CRYBG2: variants seen among roughly 807,000 people sequenced by gnomAD.
CRYBG2 encodes crystallin beta-gamma domain containing 2.
CRYBG2 carries 106 observed loss-of-function variants against 153.4 expected under a neutral mutation model. That is an observed-to-expected ratio of 0.69 (90% CI 0.59 to 0.81). The LOEUF is 0.81. Ranked by LOEUF, CRYBG2 falls within the 30% of genes least tolerant of loss-of-function variation. The probability of loss-of-function intolerance (pLI) is 0.00; values close to 1 mark genes in which losing one functional copy is unlikely to be tolerated. For synonymous variants in CRYBG2, 851 were observed against 877.8 expected (o/e 0.97, Z 0.54); for missense variants, 1,996 against 2,112.0 (o/e 0.95, Z 1.08).
chr1:26,338,310 A>T (rs969380973), intron 7 of CRYBG2, 41 bp downstream of exon 7: 2 of 1,544,314 alleles, frequency 1.3e-6, no homozygotes, highest in Non-Finnish European at 1.7e-6. Context: ...CCAGGGGCAG[A>T]GCCTAGACCT....
rs939084800 is a variant in CRYBG2, at chr1:26,325,285, C to T, written c.4579-975G>A. 1.3e-5 allele frequency among the ~76,000 whole-genome samples: 2 copies of T among 152,206 alleles called. No homozygotes were observed. Among genetic ancestry groups the T allele is most frequent in the South Asian group, 4.1e-4 (2 of 4,832 alleles). On this transcript the variant is annotated intron_variant, in intron 17 of 19. Transcript: ENST00000308182. This position sits in a 1 kb window ranked among gnomAD's most constrained non-coding sequence, Gnocchi z 4.1. ...TCATAAATGCAATCCCGGCCGGGCG[C>T]GGAGGCTCACGCCTGTAATCCCAGC...
chr1:26,352,481 G>A (rs2074297018), intron 1 of CRYBG2, among the ~76,000 whole-genome samples: 1 of 152,038 alleles, frequency 6.6e-6, no homozygotes, highest in Non-Finnish European at 1.5e-5. Flanking sequence ...CCCTGAACGT[G>A]GACACACACG....
In CRYBG2 at chr1:26,334,699, C is replaced by T. The variant is rs146393983; in HGVS notation, c.4184+1396G>A. Among the ~76,000 whole-genome samples the T allele has an allele frequency of 7.5e-4, 114 of 151,932 alleles. 1 individual carries two copies. In the East Asian group the frequency reaches 0.012, roughly 17 times the overall value. ...CAGCACTTTGGGAGGCCGAGGGGGG[C>T]GGATCATGAGGTCAAGAGTTTGAGA... On this transcript the variant is annotated intron_variant, in intron 14 of 19. Transcript: ENST00000308182.
intron 17 of CRYBG2, chr1:26,324,889 G>T (rs1170425035): frequency 6.6e-6 from 1 of 152,186 alleles, no homozygotes; most frequent in East Asian, 1.9e-4. Context: ...GGTAGCAAAA[G>T]TAATAATAGT....
At chr1:26,340,645 T>C (rs1460412606) in intron 5 of CRYBG2, among the ~76,000 whole-genome samples, 1 of 152,122 alleles carries the variant, frequency 6.6e-6, no homozygotes, top group African/African-American at 2.4e-5. Context: ...GGAGTTTTGC[T>C]CTTGTTGCCC....
At chr1:26,342,499 A>G (rs965942414) in intron 5 of CRYBG2, among the ~76,000 whole-genome samples, 2 of 152,314 alleles carry the variant, frequency 1.3e-5, no homozygotes, top group South Asian at 4.1e-4. Flanking sequence ...TCCCGGGTTC[A>G]AGTAATTCTC....
intron 15 of CRYBG2, among the ~76,000 whole-genome samples, chr1:26,329,479 ATTTT>A (rs34287969): frequency 4.3e-5 from 6 of 139,558 alleles, no homozygotes; most frequent in Admixed American, 7.2e-5. Context: ...CGCAGCTTAG[ATTTT>A]TTTTTTTTTT....
intron 18 of CRYBG2, 87 bp downstream of exon 18, chr1:26,324,065 G>C: frequency 7.0e-7 from 1 of 1,435,984 alleles, no homozygotes. Context: ...GCATCCCTCT[G>C]TGTTCCTGAT....
At chr1:26,324,370 G>C in intron 17 of CRYBG2, 60 bp from the exon 18 acceptor site, 1 of 1,512,156 alleles carries the variant, frequency 6.6e-7, no homozygotes, top group Non-Finnish European at 8.9e-7. Context: ...TGGGCCCCCA[G>C]TACCCTCAAC....
chr1:26,353,453 C>G (rs935446135), intron 1 of CRYBG2, among the ~76,000 whole-genome samples: 1 of 152,154 alleles, frequency 6.6e-6, no homozygotes, highest in Non-Finnish European at 1.5e-5. Flanking sequence ...ACAAATAAAA[C>G]TAGGCTTGGG....
chr1:26,341,623 A>G (rs532491590), intron 5 of CRYBG2, among the ~76,000 whole-genome samples: 1 of 151,876 alleles, frequency 6.6e-6, no homozygotes, highest in Non-Finnish European at 1.5e-5. Context: ...AGTAGCTGGG[A>G]TTATAGGCGC....
At chr1:26,340,175 A>C (rs2074113628) in intron 5 of CRYBG2, among the ~76,000 whole-genome samples, 1 of 152,130 alleles carries the variant, frequency 6.6e-6, no homozygotes, top group African/African-American at 2.4e-5. Flanking sequence ...TTGTATTCTG[A>C]GTGTTTCTTC....
In CRYBG2 at chr1:26,337,621, T is replaced by C. The variant is rs773045569; in HGVS notation, c.3561A>G (p.Arg1187=). Reference sequence around the variant, plus strand: ...CTGGCTGCTGAAGGTTGTAGATGTCTCGGCTCACTTCCCAGCTGCGGCCCT... The same window carrying C: ...CTGGCTGCTGAAGGTTGTAGATGTCCCGGCTCACTTCCCAGCTGCGGCCCT... The part of the protein sequence containing the change: ...GFQGRSWEVS[R]DIYNLQQPED... The change falls in exon 9 of 20, where the codon CGA becomes CGG. Residue 1187 remains arginine (R), a synonymous_variant. Transcript: ENST00000308182. 5 of 1,613,044 alleles carry C rather than the reference T, an allele frequency of 3.1e-6. No homozygotes were observed. The East Asian group carries it at 1.1e-4, about 36-fold the overall frequency.
At chr1:26,330,853 T>TAA (rs1335021879) in intron 15 of CRYBG2, among the ~76,000 whole-genome samples, 2 of 152,172 alleles carry the variant, frequency 1.3e-5, no homozygotes, top group African/African-American at 4.8e-5. Flanking sequence ...GAAAGCCTTT[T>TAA]AAACACCACC....
At position 26,325,932 on chromosome 1, in the gene CRYBG2, C is replaced by T. The variant is rs557001449; in HGVS notation, c.4579-1622G>A. Among the ~76,000 whole-genome samples, 5 of 152,162 alleles carry T rather than the reference C, an allele frequency of 3.3e-5. No homozygotes were observed. Among genetic ancestry groups the T allele is most frequent in the South Asian group, 4.1e-4 (2 of 4,820 alleles). On this transcript the variant is annotated intron_variant, in intron 17 of 19. Transcript: ENST00000308182. This position sits in a 1 kb window ranked among gnomAD's most constrained non-coding sequence, Gnocchi z 4.1. ...CTATTTTTTTTTTGAGACAGGGTCT[C>T]GCTCTGTCACCCACGCTGGAGTACC...
chr1:26,348,985 G>A (rs964841603), intron 1 of CRYBG2, among the ~76,000 whole-genome samples: 5 of 151,892 alleles, frequency 3.3e-5, no homozygotes, highest in Admixed American at 2.0e-4. Flanking sequence ...CCTGACTAAC[G>A]TGATGAAACC....
Position 26,322,050 on chromosome 1 carries a change from C to A in CRYBG2, c.4904G>T (p.Arg1635Leu), listed in dbSNP as rs147012844. 14 of 1,606,130 alleles carry A rather than the reference C, an allele frequency of 8.7e-6. No individual in the cohort carries two copies. In the South Asian group the frequency reaches 1.3e-4, roughly 15 times the overall value. The change falls in exon 20 of 20, where the codon CGG becomes CTG. Residue 1635 changes from arginine (R) to leucine (L), a missense_variant. Physicochemically the swap from Arg to Leu is moderately radical, Grantham distance 102. Transcript: ENST00000308182. ...CACCACGTGGTCCCGGTCGTAGCCC[C>A]GGCCTCCTGGGGGTGGGATGGGGAT... Reference protein sequence around the residue: ...EGQILDVKGGRGYDRDHVVLW... With the variant: ...EGQILDVKGGLGYDRDHVVLW...
At chr1:26,351,962 G>A (rs1465531753) in intron 1 of CRYBG2, among the ~76,000 whole-genome samples, 1 of 152,064 alleles carries the variant, frequency 6.6e-6, no homozygotes, top group African/African-American at 2.4e-5. Context: ...CTTCTGCAGG[G>A]CCCCAGACCA....
At position 26,345,296 on chromosome 1, in the gene CRYBG2, A is replaced by T. The variant is rs1270217838; in HGVS notation, c.1362T>A (p.Pro454=). 6 of 1,613,646 alleles carry T rather than the reference A, an allele frequency of 3.7e-6. No individual in the cohort carries two copies. Among genetic ancestry groups the T allele is most frequent in the Non-Finnish European group, 5.1e-6 (6 of 1,179,896 alleles). Residue 454 remains proline (P), a synonymous_variant, in exon 2 of 20, where the codon CCT becomes CCA. Transcript: ENST00000308182. ...CCTCCCTCTGGGTAAAGGGGAGGACAGGGACATTTTCAGAGTTCTGAACAA... is the reference window on the plus strand; with the variant it reads ...CCTCCCTCTGGGTAAAGGGGAGGACTGGGACATTTTCAGAGTTCTGAACAA... ...NKFVQNSENV[P]VLPFTQREVV...
Sources: gnomAD v4.1 joint callset for allele counts (sites outside exome capture counted in the v4.1 genomes callset) on GRCh38, gnomAD v4.1.1 for gene constraint, Gnocchi (gnomAD v3.1) non-coding constraint, MANE v1.5 for transcripts, NCBI Gene and HGNC (gene_info 2026-07-23, HGNC 2026-07-21) for gene names.